PTN: variants seen among roughly 807,000 people sequenced by gnomAD.
PTN encodes pleiotrophin.
A neutral mutation model predicts 24.1 loss-of-function variants in PTN; 18 were observed. That is an observed-to-expected ratio of 0.75 (90% CI 0.52 to 1.11). The LOEUF (loss-of-function observed/expected upper bound fraction) is 1.11. PTN is among the 50% of genes least tolerant of loss of function. The pLI is 0.00. For synonymous variants in PTN, 78 were observed against 68.6 expected, an observed-to-expected ratio of 1.14 and a Z score of -0.67; for missense variants, 163 against 198.8, an observed-to-expected ratio of 0.82 and a Z score of 1.08.
chr7:137,228,773 A>C (rs1221727202), intron 4 of PTN, among the ~76,000 whole-genome samples: 1 of 151,880 alleles, frequency 6.6e-6, no homozygotes, highest in East Asian at 1.9e-4. Context: ...CCATTCAACC[A>C]TCTTTCCACT....
chr7:137,244,374 A>ATTTTTTTTTTTTTTTTTTTTTTT (rs1242182641), intron 4 of PTN, among the ~76,000 whole-genome samples: 2 of 131,166 alleles, frequency 1.5e-5, no homozygotes, highest in Non-Finnish European at 1.6e-5. Flanking sequence ...TCTCCTCAGA[A>ATTTTTTTTTTTTTTTTTTTTTTT]TTTTTTTTTT....
rs558093791 is a variant in PTN at position 137,317,067 on chromosome 7, T to C, written c.-2+26372A>G. Among the ~76,000 whole-genome samples, 26 of 152,312 alleles carry C rather than the reference T, an allele frequency of 1.7e-4. No homozygotes were observed. In the South Asian group the frequency reaches 4.8e-3, roughly 28 times the overall value. ...CTACTCTCTCATTTCCACAAATGCA[T>C]GCAATCTTAATCAGAAATTACATCA... On this transcript the variant is annotated intron_variant, in intron 1 of 4. Transcript: ENST00000348225.
chr7:137,291,560 G>A (rs894700890), intron 1 of PTN, among the ~76,000 whole-genome samples: 4 of 151,946 alleles, frequency 2.6e-5, no homozygotes, highest in South Asian at 2.1e-4. Flanking sequence ...TTTACTGACC[G>A]CTGCCTACGG....
chr7:137,298,247 C>G (rs1809750726), intron 1 of PTN, among the ~76,000 whole-genome samples: 1 of 151,938 alleles, frequency 6.6e-6, no homozygotes, highest in Non-Finnish European at 1.5e-5. Flanking sequence ...ATCCTCAAAT[C>G]TGTATTCATT....
intron 1 of PTN, among the ~76,000 whole-genome samples, chr7:137,279,876 A>G (rs1053023640): frequency 1.3e-5 from 2 of 152,240 alleles, no homozygotes; most frequent in Non-Finnish European, 2.9e-5. Context: ...TTGACATAGT[A>G]CAGGTCAAAC....
At chr7:137,249,270 C>G (rs1454990246) in intron 4 of PTN, among the ~76,000 whole-genome samples, 1 of 126,534 alleles carries the variant, frequency 7.9e-6, no homozygotes, top group Non-Finnish European at 1.7e-5. Flanking sequence ...CAGGACAGTG[C>G]ACGTGTGTGT....
chr7:137,310,390 G>GTTTTTTTTTTTTGTTTTT (rs1809960029), intron 1 of PTN, among the ~76,000 whole-genome samples: 1 of 137,204 alleles, frequency 7.3e-6, no homozygotes, highest in Non-Finnish European at 1.6e-5. Context: ...AAGTTACCAT[G>GTTTTTTTTTTTTGTTTTT]TTTTTTTTTT....
Position 137,254,933 on chromosome 7 carries a change from G to T in PTN, c.41C>A (p.Ala14Glu). ...GAAAATGAATGCCAAGAAGGCAGCTGCAAATTTTCGACGCTGCTGCTGGTA... is the reference window on the plus strand; with the variant it reads ...GAAAATGAATGCCAAGAAGGCAGCTTCAAATTTTCGACGCTGCTGCTGGTA... The part of the protein sequence containing the change: ...QQYQQQRRKF[A>E]AAFLAFIFIL... The change falls in exon 2 of 5, where the codon GCA becomes GAA. Residue 14 changes from alanine to glutamate, a missense_variant. Physicochemically the swap from Ala to Glu is moderately radical, Grantham distance 107. Coordinates refer to ENST00000348225, the MANE Select transcript of PTN (RefSeq NM_002825.7). 6.3e-7 allele frequency: 1 copy of T among 1,579,116 alleles called. No individual in the cohort carries two copies. Among genetic ancestry groups the T allele is most frequent in the Non-Finnish European group, 8.7e-7 (1 of 1,154,332 alleles).
intron 1 of PTN, among the ~76,000 whole-genome samples, chr7:137,322,633 G>C (rs973716294): frequency 6.6e-6 from 1 of 152,022 alleles, no homozygotes; most frequent in African/African-American, 2.4e-5. Flanking sequence ...TAAAACATTA[G>C]AAATATTGAG....
At chr7:137,297,579 T>C (rs1313706068) in intron 1 of PTN, among the ~76,000 whole-genome samples, 2 of 152,026 alleles carry the variant, frequency 1.3e-5, no homozygotes, top group Non-Finnish European at 2.9e-5. Context: ...TGTCAGAATC[T>C]ACAGAGAGAA....
At chr7:137,248,982 C>T (rs1402251762) in intron 4 of PTN, among the ~76,000 whole-genome samples, 1 of 151,942 alleles carries the variant, frequency 6.6e-6, no homozygotes, top group Non-Finnish European at 1.5e-5. Flanking sequence ...TTTTTTCAAG[C>T]TGAAAGCCTG....
At chr7:137,278,797 C>T (rs954260088) in intron 1 of PTN, among the ~76,000 whole-genome samples, 18 of 151,638 alleles carry the variant, frequency 1.2e-4, no homozygotes, top group Middle Eastern at 3.4e-3. Context: ...AAAACTTAGC[C>T]GGGCATGGTG....
At chr7:137,317,506 C>T (rs1315804431) in intron 1 of PTN, among the ~76,000 whole-genome samples, 1 of 152,176 alleles carries the variant, frequency 6.6e-6, no homozygotes, top group African/African-American at 2.4e-5. Flanking sequence ...CTCCTGACCA[C>T]ACACATGCGA....
chr7:137,330,317 G>T (rs975050444), intron 1 of PTN, among the ~76,000 whole-genome samples: 2 of 151,822 alleles, frequency 1.3e-5, no homozygotes, highest in African/African-American at 4.8e-5. Flanking sequence ...GAAGGAGAAA[G>T]AGAAGGAGGA....
At chr7:137,274,307 G>T (rs911709596) in intron 1 of PTN, among the ~76,000 whole-genome samples, 9 of 152,014 alleles carry the variant, frequency 5.9e-5, no homozygotes, top group African/African-American at 2.2e-4. Context: ...AAAGGCCACT[G>T]GTCTACCCAA....
At position 137,320,961 on chromosome 7, in the gene PTN, C is replaced by T. The variant is rs113115075; in HGVS notation, c.-2+22478G>A. ...TTATAACTTCTGGCTTTATTTTTCA[C>T]AGACTCAAAGTAAGCTTTGAGGTCA... On this transcript the variant is annotated intron_variant, in intron 1 of 4. Transcript: ENST00000348225. Among the ~76,000 whole-genome samples, 726 of 152,310 alleles carry T rather than the reference C, an allele frequency of 4.8e-3. 6 individuals are homozygous for T. Among genetic ancestry groups the T allele is most frequent in the Middle Eastern group, 0.017 (5 of 290 alleles).
At chr7:137,330,977 T>C (rs943250677) in intron 1 of PTN, among the ~76,000 whole-genome samples, 13 of 152,216 alleles carry the variant, frequency 8.5e-5, no homozygotes, top group South Asian at 2.1e-4. Context: ...TGCTATCTAA[T>C]AGAATTTTAT....
chr7:137,253,651 G>A lies in PTN; in HGVS notation c.116-14C>T, dbSNP rs564125162. Reference sequence around the variant, plus strand: ...TCACTTTTTTTTCTGAATGAAAGGAGGAAAACCTAATCAACATACAGAAAA... The same window carrying A: ...TCACTTTTTTTTCTGAATGAAAGGAAGAAAACCTAATCAACATACAGAAAA... On this transcript the variant is annotated splice_polypyrimidine_tract_variant and intron_variant, in intron 2 of 4. Coordinates refer to ENST00000348225, the MANE Select transcript of PTN (RefSeq NM_002825.7). 2.6e-6 allele frequency: 4 copies of A among 1,522,504 alleles called. No homozygotes were observed. The highest frequency in any genetic ancestry group is 1.3e-5 in the South Asian group (1 of 76,028). The allele number at this position is 1,522,504 out of a possible 1,614,324, so 94.3% of individuals were successfully genotyped here.
intron 4 of PTN, among the ~76,000 whole-genome samples, chr7:137,231,726 G>C (rs186889813): frequency 6.6e-4 from 101 of 152,008 alleles, no homozygotes; most frequent in African/African-American, 2.3e-3. Flanking sequence ...AGGAAAGTAA[G>C]GAGTGTAAAT....
Sources: gnomAD v4.1 joint callset for allele counts (sites outside exome capture counted in the v4.1 genomes callset) on GRCh38, gnomAD v4.1.1 for gene constraint, MANE v1.5 for transcripts, NCBI Gene and HGNC (gene_info 2026-07-23, HGNC 2026-07-21) for gene names.